Variants in DGLUCY observed in about 807,000 individuals in gnomAD.
DGLUCY encodes the protein D-glutamate cyclase, also known as D-glutamate cyclase, mitochondrial.
DGLUCY carries 58 observed loss-of-function variants against 58.5 expected under a neutral mutation model. The observed-to-expected ratio is 0.99, with a 90% CI of 0.80 to 1.23. DGLUCY has a LOEUF of 1.23. Ranked by LOEUF, DGLUCY falls within the 50% of genes most tolerant of loss-of-function variation. The pLI, the probability that DGLUCY is intolerant of heterozygous loss-of-function variation, is 0.00. For missense variants in DGLUCY, 779 were observed against 784.7 expected, an observed-to-expected ratio of 0.99 and a Z score of 0.09; for synonymous variants, 325 against 314.1, an observed-to-expected ratio of 1.03 and a Z score of -0.37.
At chr14:91,088,330 G>A (rs1177710135) in intron 1 of DGLUCY, among the ~76,000 whole-genome samples, 1 of 152,148 alleles carries the variant, frequency 6.6e-6, no homozygotes, top group Admixed American at 6.5e-5. Context: ...AAGACAGTTT[G>A]AATGTGATTC....
intron 7 of DGLUCY, 118 bp from the exon 8 acceptor site, chr14:91,181,068 G>A: frequency 1.2e-6 from 1 of 842,450 alleles, no homozygotes; most frequent in Non-Finnish European, 1.9e-6. Flanking sequence ...GTGGTATAGG[G>A]AGTGCTTAGG....
chr14:91,214,553 G>A (rs1416106826), intron 12 of DGLUCY, among the ~76,000 whole-genome samples: 1 of 152,274 alleles, frequency 6.6e-6, no homozygotes, highest in African/African-American at 2.4e-5. Context: ...CTCAGCCAGA[G>A]GGGAGAGTTT....
chr14:91,189,139 C>G lies in DGLUCY; in HGVS notation c.1164C>G (p.His388Gln), dbSNP rs1012914064. 1 of 1,614,184 alleles carries G rather than the reference C, an allele frequency of 6.2e-7. No individual in the cohort carries two copies. Among genetic ancestry groups the G allele is most frequent in the African/African-American group, 1.3e-5 (1 of 75,038 alleles). The change falls in exon 9 of 14, where the codon CAC (histidine) becomes CAG (glutamine). Residue 388 changes from histidine (H) to glutamine (Q), a missense_variant. Physicochemically the swap from His to Gln is conservative, Grantham distance 24 (BLOSUM62 0). Transcript: ENST00000256324. The part of the protein sequence containing the change: ...IIVDQRAWNL[H>Q]QKIVEDAVEQ... ...TTGACCAGAGAGCCTGGAACTTGCA[C>G]CAGAAGATTGTTGAAGATGCTGTTG...
intron 12 of DGLUCY, among the ~76,000 whole-genome samples, chr14:91,205,867 A>G (rs1220475506): frequency 4.4e-4 from 6 of 13,758 alleles, no homozygotes; most frequent in Non-Finnish European, 9.4e-4. Context: ...TTTTTTTTTG[A>G]GCGTGCTTTG....
intron 1 of DGLUCY, among the ~76,000 whole-genome samples, chr14:91,071,207 C>T (rs754525897): frequency 5.3e-5 from 8 of 151,330 alleles, no homozygotes; most frequent in African/African-American, 1.2e-4. Context: ...TGTGGTGGCA[C>T]GCGCCTGTAT....
intron 1 of DGLUCY, among the ~76,000 whole-genome samples, chr14:91,087,616 A>G (rs2044244904): frequency 6.6e-6 from 1 of 152,176 alleles, no homozygotes; most frequent in Non-Finnish European, 1.5e-5. Flanking sequence ...ACATTGCACA[A>G]GTTACTTCCT....
At chr14:91,134,002 A>G (rs1471906130) in intron 1 of DGLUCY, among the ~76,000 whole-genome samples, 2 of 152,048 alleles carry the variant, frequency 1.3e-5, no homozygotes, top group Non-Finnish European at 2.9e-5. Flanking sequence ...TTGTTTTTTG[A>G]GTTGAGTTGT....
intron 1 of DGLUCY, among the ~76,000 whole-genome samples, chr14:91,134,727 C>T (rs187273841): frequency 5.9e-5 from 9 of 151,514 alleles, no homozygotes; most frequent in East Asian, 5.9e-4. Context: ...CATGAGCCAC[C>T]GTGCCCGGCC....
At chr14:91,174,067 A>G (rs1595838827) in intron 6 of DGLUCY, among the ~76,000 whole-genome samples, 1 of 152,112 alleles carries the variant, frequency 6.6e-6, no homozygotes, top group East Asian at 1.9e-4. Context: ...AGAGGGGCTA[A>G]AGGTCAAGCT....
At chr14:91,168,547 C>G (rs2048403095) in intron 4 of DGLUCY, among the ~76,000 whole-genome samples, 1 of 152,182 alleles carries the variant, frequency 6.6e-6, no homozygotes, top group South Asian at 2.1e-4. Context: ...TTGGAAACTC[C>G]TGGAGCCCAT....
intron 9 of DGLUCY, among the ~76,000 whole-genome samples, chr14:91,189,405 C>T (rs1285740442): frequency 6.6e-6 from 1 of 152,208 alleles, no homozygotes; most frequent in Non-Finnish European, 1.5e-5. Flanking sequence ...GGCTCCAAAG[C>T]ATGGGATCCT....
intron 1 of DGLUCY, among the ~76,000 whole-genome samples, chr14:91,137,711 G>A (rs1188541722): frequency 6.6e-6 from 1 of 152,004 alleles, no homozygotes; most frequent in Admixed American, 6.6e-5. Flanking sequence ...TTTCTCTATG[G>A]CTAGCTCTTA....
At chr14:91,146,306 T>A (rs915289156) in intron 1 of DGLUCY, among the ~76,000 whole-genome samples, 1 of 152,240 alleles carries the variant, frequency 6.6e-6, no homozygotes, top group African/African-American at 2.4e-5. Flanking sequence ...AGCACTGCTG[T>A]GAAGGATAAT....
intron 12 of DGLUCY, among the ~76,000 whole-genome samples, chr14:91,213,740 C>G (rs926145834): frequency 6.9e-6 from 1 of 144,162 alleles, no homozygotes; most frequent in Non-Finnish European, 1.5e-5. Context: ...TGGTCTGTTG[C>G]CCAGACTGGA....
chr14:91,100,156 A>G (rs904736955), intron 1 of DGLUCY, among the ~76,000 whole-genome samples: 2 of 152,158 alleles, frequency 1.3e-5, no homozygotes, highest in African/African-American at 4.8e-5. Flanking sequence ...CAAGTTCAAT[A>G]TTCATCCTGA....
intron 11 of DGLUCY, among the ~76,000 whole-genome samples, chr14:91,202,042 C>T (rs370133453): frequency 5.3e-5 from 3 of 56,356 alleles, no homozygotes; most frequent in African/African-American, 1.4e-4. Flanking sequence ...GCGACAAGAG[C>T]AAGACTCTGT....
chr14:91,170,297 G>A, intron 5 of DGLUCY, 96 bp downstream of exon 5: 1 of 1,335,116 alleles, frequency 7.5e-7, no homozygotes, highest in Non-Finnish European at 1.0e-6. Context: ...GGCACGGGAG[G>A]TGGAAAACCT....
chr14:91,109,096 A>G (rs539967856), upstream of DGLUCY, among the ~76,000 whole-genome samples: 5 of 152,330 alleles, frequency 3.3e-5, no homozygotes, highest in East Asian at 9.6e-4. Flanking sequence ...AGACACAATG[A>G]ATGCGGGCCT....
chr14:91,069,557 G>A (rs947303992), intron 1 of DGLUCY, among the ~76,000 whole-genome samples: 2 of 152,190 alleles, frequency 1.3e-5, no homozygotes, highest in Non-Finnish European at 2.9e-5. Context: ...TGGGATTACA[G>A]GCGTGAGCCA....
Sources: gnomAD v4.1 joint callset for allele counts (sites outside exome capture counted in the v4.1 genomes callset) on GRCh38, gnomAD v4.1.1 for gene constraint, MANE v1.5 for transcripts, NCBI Gene and HGNC (gene_info 2026-07-23, HGNC 2026-07-21) for gene names.